Variants in BTG4 observed in about 807,000 individuals in gnomAD.
BTG4 encodes protein BTG4.
In BTG4, 10 loss-of-function variants were observed where a neutral mutation model predicts 19.3. That is an observed-to-expected ratio of 0.52 (90% CI 0.32 to 0.88). The LOEUF is 0.88. BTG4 is among the 40% of genes least tolerant of loss of function. The pLI, the probability that BTG4 is intolerant of heterozygous loss-of-function variation, is 0.04. For synonymous variants in BTG4, 91 were observed against 95.7 expected (o/e 0.95, Z 0.29); for missense variants, 238 against 281.9 (o/e 0.84, Z 1.11).
the BTG4 span, among the ~76,000 whole-genome samples, chr11:111,412,484 G>C: frequency 1.3e-5 from 2 of 152,090 alleles, no homozygotes; most frequent in African/African-American, 4.8e-5. Context: ...ATGCTGACAC[G>C]GCTTTTCTGA....
At chr11:111,493,525 G>C (rs1183701373), downstream of BTG4, among the ~76,000 whole-genome samples, 1 of 152,174 alleles carries the variant, frequency 6.6e-6, no homozygotes, top group Non-Finnish European at 1.5e-5. Context: ...TGGTAGTCTT[G>C]TTTCTGCCCC....
chr11:111,477,414 C>T (rs1864459911), intron 5 of BTG4, among the ~76,000 whole-genome samples: 1 of 151,936 alleles, frequency 6.6e-6, no homozygotes, highest in South Asian at 2.1e-4. Flanking sequence ...CCATATTTAC[C>T]AACTATTATC....
At chr11:111,514,521 A>G (rs975372631), upstream of BTG4, 15 of 463,148 alleles carry the variant, frequency 3.2e-5, no homozygotes, top group East Asian at 5.5e-4. Context: ...AAGCTAAACT[A>G]CTCCCCCACT....
intron 5 of BTG4, among the ~76,000 whole-genome samples, chr11:111,477,279 C>T (rs1864449875): frequency 6.6e-6 from 1 of 152,036 alleles, no homozygotes; most frequent in Admixed American, 6.6e-5. Flanking sequence ...ATTGCTGAAT[C>T]AAATCAATAG....
chr11:111,403,081 G>A, the BTG4 span, among the ~76,000 whole-genome samples: 4 of 152,106 alleles, frequency 2.6e-5, no homozygotes, highest in African/African-American at 9.7e-5. Flanking sequence ...TCTCTTATGT[G>A]GGCCCCAAGA....
downstream of BTG4, among the ~76,000 whole-genome samples, chr11:111,466,043 T>C (rs1412446556): frequency 1.3e-5 from 2 of 152,194 alleles, no homozygotes; most frequent in Non-Finnish European, 2.9e-5. Context: ...CGTCTTGCCA[T>C]TATACTGGCC....
intron 5 of BTG4, among the ~76,000 whole-genome samples, chr11:111,479,765 A>C (rs1864619435): frequency 6.6e-6 from 1 of 152,144 alleles, no homozygotes; most frequent in Non-Finnish European, 1.5e-5. Context: ...TTTTACTTGA[A>C]CTTATAAAAT....
chr11:111,419,335 T>C, the BTG4 span, among the ~76,000 whole-genome samples: 1 of 152,190 alleles, frequency 6.6e-6, no homozygotes, highest in African/African-American at 2.4e-5. Context: ...CTGCCTTCCT[T>C]CTTGGCTGAC....
At chr11:111,505,127 C>T (rs1405993902) in intron 1 of BTG4, among the ~76,000 whole-genome samples, 1 of 151,872 alleles carries the variant, frequency 6.6e-6, no homozygotes, top group Non-Finnish European at 1.5e-5. Flanking sequence ...TCCTAAAGTT[C>T]ATAGGGAACC....
chr11:111,404,764 A>AAC, the BTG4 span: 1 of 423,254 alleles, frequency 2.4e-6, no homozygotes, highest in East Asian at 7.1e-5. Flanking sequence ...GAGACATGAA[A>AAC]ACTTGGAGCT....
At chr11:111,464,461 C>T (rs66889061), downstream of BTG4, 11,256 of 152,372 alleles carry the variant, frequency 0.074, 575 homozygotes, top group Non-Finnish European at 0.11. Flanking sequence ...TAGAGGCTGC[C>T]TGTCACATCC....
the BTG4 span, among the ~76,000 whole-genome samples, chr11:111,408,803 G>A: frequency 2.6e-5 from 4 of 152,220 alleles, no homozygotes; most frequent in Non-Finnish European, 4.4e-5. Flanking sequence ...TGTGTGCCAG[G>A]CACCAGGTAG....
At chr11:111,494,019 G>T (rs1294274755), downstream of BTG4, among the ~76,000 whole-genome samples, 1 of 152,120 alleles carries the variant, frequency 6.6e-6, no homozygotes, top group South Asian at 2.1e-4. Context: ...AGCTGTGACT[G>T]CTCCAATGCT....
chr11:111,419,648 G>A, the BTG4 span, among the ~76,000 whole-genome samples: 1 of 152,236 alleles, frequency 6.6e-6, no homozygotes, highest in Admixed American at 6.5e-5. Context: ...AAATGCCCTG[G>A]CTAGATGGAA....
At chr11:111,388,060 T>C in the BTG4 span, among the ~76,000 whole-genome samples, 1 of 152,220 alleles carries the variant, frequency 6.6e-6, no homozygotes, top group Non-Finnish European at 1.5e-5. Flanking sequence ...AACTTTGTGC[T>C]GGAAATAATG....
At chr11:111,492,753 T>G (rs140311895), downstream of BTG4, among the ~76,000 whole-genome samples, 453 of 152,290 alleles carry the variant, frequency 3.0e-3, 4 homozygotes, top group African/African-American at 0.011. Flanking sequence ...GACTGTAAAC[T>G]GGACTTGGGG....
At chr11:111,455,652 G>C in the BTG4 span, 16,314 of 360,896 alleles carry the variant, frequency 0.045, 501 homozygotes, top group South Asian at 0.08. Context: ...ATCAGACTTA[G>C]GGAGACATGA....
chr11:111,502,442 T>C (rs181104758), intron 1 of BTG4, among the ~76,000 whole-genome samples: 24 of 152,306 alleles, frequency 1.6e-4, no homozygotes, highest in Admixed American at 5.9e-4. Flanking sequence ...TAATAATGCC[T>C]TAAGTTTAAC....
chr11:111,398,476 CAG>C, the BTG4 span, among the ~76,000 whole-genome samples: 490 of 152,032 alleles, frequency 3.2e-3, no homozygotes, highest in Middle Eastern at 6.8e-3. Flanking sequence ...TTTTTTGAGA[CAG>C]AGTCTCGCTC....
Sources: gnomAD v4.1 joint callset for allele counts (sites outside exome capture counted in the v4.1 genomes callset) on GRCh38, gnomAD v4.1.1 for gene constraint, MANE v1.5 for transcripts, NCBI Gene and HGNC (gene_info 2026-07-23, HGNC 2026-07-21) for gene names.